Variants in CDK8 observed in about 807,000 individuals in gnomAD.
CDK8 encodes cyclin dependent kinase 8.
Under a neutral mutation model 71.5 loss-of-function variants are expected in CDK8, and 29 were observed. The ratio of observed to expected loss-of-function variants is 0.41; its 90% CI spans 0.30 to 0.55. CDK8 has a LOEUF of 0.55. CDK8 is among the 20% of genes least tolerant of loss of function. The probability of loss-of-function intolerance (pLI) is 0.37; values close to 1 mark genes in which losing one functional copy is unlikely to be tolerated. For synonymous variants in CDK8, 161 were observed against 192.1 expected (o/e 0.84, Z 1.34); for missense variants, 288 against 572.6 (o/e 0.50, Z 5.07).
chr13:26,357,667 A>G (rs574346199), intron 4 of CDK8, among the ~76,000 whole-genome samples: 24 of 152,298 alleles, frequency 1.6e-4, no homozygotes, highest in African/African-American at 5.8e-4. Context: ...ATGGAGAGTG[A>G]TTTATTTAAG....
chr13:26,301,174 T>C (rs151323378), intron 1 of CDK8, among the ~76,000 whole-genome samples: 288 of 151,076 alleles, frequency 1.9e-3, no homozygotes, highest in African/African-American at 6.7e-3. Context: ...GAGCCTTGAA[T>C]GGGGTTCAGC....
intron 1 of CDK8, among the ~76,000 whole-genome samples, chr13:26,336,953 G>A (rs1001021816): frequency 6.6e-6 from 1 of 152,080 alleles, no homozygotes; most frequent in African/African-American, 2.4e-5. Context: ...GTATTATGGT[G>A]TGTTACTTAT....
rs549919021 is a variant in CDK8, at chr13:26,269,974, T to C, written c.128+15205T>C. ...AAGTAGGGATATTAAATCCCAATTG[T>C]CTTCATGGAAAAATATTAGTAATAC... On this transcript the variant is annotated intron_variant, in intron 1 of 12. Coordinates refer to ENST00000381527, the MANE Select transcript of CDK8 (RefSeq NM_001260.3). Among the ~76,000 whole-genome samples, 17 of 152,324 alleles carry C rather than the reference T, an allele frequency of 1.1e-4. No individual in the cohort carries two copies. In the East Asian group the frequency reaches 3.1e-3, roughly 28 times the overall value.
At chr13:26,289,451 ATT>A (rs557734120) in intron 1 of CDK8, among the ~76,000 whole-genome samples, 133 of 152,268 alleles carry the variant, frequency 8.7e-4, no homozygotes, top group South Asian at 2.3e-3. Flanking sequence ...GTAAATTTAT[ATT>A]GTTTGTTACT....
At position 26,404,469 on chromosome 13, in the gene CDK8, G is replaced by A. The variant is rs774073218; in HGVS notation, c.*388G>A. 44 of 251,374 alleles carry A rather than the reference G, an allele frequency of 1.8e-4. No homozygotes were observed. The highest frequency in any genetic ancestry group is 3.2e-4 in the Non-Finnish European group (41 of 128,708). 15.6% of individuals were successfully genotyped at this position (251,374 alleles called of 1,614,324 possible). A position where few individuals can be genotyped will look rare whatever the true frequency, so the allele number is the denominator to read the frequency against. On this transcript the variant is annotated 3_prime_UTR_variant, in exon 13 of 13. Coordinates refer to ENST00000381527, the MANE Select transcript of CDK8 (RefSeq NM_001260.3). The stretch of plus-strand genomic sequence containing the variant: ...GTGTAACAACATTATCTGACCAATA[G>A]TACACACACAGACACAAAGTTTAAC...
chr13:26,323,520 A>G (rs1354530230), intron 1 of CDK8, among the ~76,000 whole-genome samples: 1 of 152,094 alleles, frequency 6.6e-6, no homozygotes, highest in Non-Finnish European at 1.5e-5. Flanking sequence ...GTGCTTCATC[A>G]TATGAAATTT....
intron 6 of CDK8, among the ~76,000 whole-genome samples, chr13:26,387,710 T>C (rs1875546402): frequency 6.6e-6 from 1 of 152,194 alleles, no homozygotes; most frequent in African/African-American, 2.4e-5. Flanking sequence ...CCTGAGACCT[T>C]CTCTGAACTG....
chr13:26,370,928 G>A (rs1874634825), intron 4 of CDK8, among the ~76,000 whole-genome samples: 1 of 152,180 alleles, frequency 6.6e-6, no homozygotes, highest in South Asian at 2.1e-4. Flanking sequence ...TATAAGAAAT[G>A]TTTATTTTTG....
At chr13:26,377,204 A>C (rs935707612) in intron 4 of CDK8, among the ~76,000 whole-genome samples, 2 of 152,228 alleles carry the variant, frequency 1.3e-5, no homozygotes, top group African/African-American at 4.8e-5. Flanking sequence ...TTTATCCCCC[A>C]ACAGGGGGTG....
At position 26,291,714 on chromosome 13, in the gene CDK8, A is replaced by G. The variant is rs140306432; in HGVS notation, c.128+36945A>G. Among the ~76,000 whole-genome samples the G allele has an allele frequency of 9.2e-4, 140 of 152,272 alleles. 1 individual carries two copies. The highest frequency in any genetic ancestry group is 3.2e-3 in the African/African-American group (133 of 41,552). On this transcript the variant is annotated intron_variant, in intron 1 of 12. Coordinates refer to ENST00000381527, the MANE Select transcript of CDK8 (RefSeq NM_001260.3). The stretch of plus-strand genomic sequence containing the variant: ...GAGTAATCTGTTGCAATTTGCTATC[A>G]TGGTACATGAATGATTTGGTTCTGT...
chr13:26,356,531 A>C (rs182659225), intron 4 of CDK8, among the ~76,000 whole-genome samples: 29 of 152,318 alleles, frequency 1.9e-4, no homozygotes, highest in Admixed American at 1.9e-3. Context: ...CTTTGCCTCT[A>C]ATCTAGATCC....
rs527605656 is a variant in CDK8 at position 26,295,023 on chromosome 13, G to T, written c.128+40254G>T. 3.2e-4 allele frequency among the ~76,000 whole-genome samples: 48 copies of T among 152,264 alleles called. 1 individual carries two copies. The highest frequency in any genetic ancestry group is 1.1e-3 in the African/African-American group (47 of 41,548). Reference sequence around the variant, plus strand: ...GGCCTCCCAAAGTGCTGGGATTACAGATGTGAACTACCGCACCCAGCCCAT... The same window carrying T: ...GGCCTCCCAAAGTGCTGGGATTACATATGTGAACTACCGCACCCAGCCCAT... On this transcript the variant is annotated intron_variant, in intron 1 of 12. Transcript: ENST00000381527.
At chr13:26,362,229 TGGA>T (rs1874179468) in intron 4 of CDK8, among the ~76,000 whole-genome samples, 1 of 130,742 alleles carries the variant, frequency 7.6e-6, no homozygotes, top group Admixed American at 8.0e-5. Flanking sequence ...GATAGATGGA[TGGA>T]TGGATGGATG....
In CDK8 at chr13:26,321,069, T is replaced by A. The variant is rs145047243; in HGVS notation, c.129-16498T>A. 5.9e-3 allele frequency among the ~76,000 whole-genome samples: 904 copies of A among 152,314 alleles called. 10 individuals carry two copies. The highest frequency in any genetic ancestry group is 0.021 in the African/African-American group (856 of 41,578). On this transcript the variant is annotated intron_variant, in intron 1 of 12. Coordinates refer to ENST00000381527, the MANE Select transcript of CDK8 (RefSeq NM_001260.3). ...TCAAAGAGGAATATAAATCCCTGTT[T>A]GCATATATCATGCAAATATATAAAT...
intron 4 of CDK8, among the ~76,000 whole-genome samples, chr13:26,356,155 C>T (rs1308009021): frequency 6.6e-6 from 1 of 151,868 alleles, no homozygotes; most frequent in Non-Finnish European, 1.5e-5. Flanking sequence ...GGATTGGTGC[C>T]CCCTAATATA....
chr13:26,317,985 C>G (rs1007341936), intron 1 of CDK8, among the ~76,000 whole-genome samples: 3 of 151,418 alleles, frequency 2.0e-5, no homozygotes, highest in African/African-American at 7.3e-5. Context: ...ATAATAAACC[C>G]AAGAGTTTGG....
At chr13:26,263,640 A>T (rs1039092945) in intron 1 of CDK8, among the ~76,000 whole-genome samples, 5 of 142,592 alleles carry the variant, frequency 3.5e-5, no homozygotes, top group African/African-American at 1.3e-4. Context: ...GGGTTTCACC[A>T]TGTTGGTCAG....
At chr13:26,333,262 C>T (rs1872836051) in intron 1 of CDK8, among the ~76,000 whole-genome samples, 2 of 152,046 alleles carry the variant, frequency 1.3e-5, no homozygotes, top group African/African-American at 4.8e-5. Flanking sequence ...ACCTCAGCTT[C>T]CTGAGTAGCT....
At chr13:26,325,742 T>G (rs2137954911) in intron 1 of CDK8, among the ~76,000 whole-genome samples, 1 of 152,312 alleles carries the variant, frequency 6.6e-6, no homozygotes. Context: ...GCTACCGATC[T>G]GTTAGGGAAA....
Sources: gnomAD v4.1 joint callset for allele counts (sites outside exome capture counted in the v4.1 genomes callset) on GRCh38, gnomAD v4.1.1 for gene constraint, MANE v1.5 for transcripts, NCBI Gene and HGNC (gene_info 2026-07-23, HGNC 2026-07-21) for gene names.